PLCL2: variants seen among roughly 807,000 people sequenced by gnomAD.
PLCL2 encodes the protein phospholipase C like 2.
PLCL2 carries 4 observed loss-of-function variants against 79.6 expected under a neutral mutation model. The ratio of observed to expected loss-of-function variants is 0.05; its 90% CI spans 0.02 to 0.11. The LOEUF (loss-of-function observed/expected upper bound fraction) is 0.11. Ranked by LOEUF, PLCL2 falls within the 10% of genes least tolerant of loss-of-function variation. PLCL2 has a pLI of 1.00. For missense variants in PLCL2, 895 were observed against 1,291.0 expected, an observed-to-expected ratio of 0.69 and a Z score of 4.70; for synonymous variants, 484 against 457.7, an observed-to-expected ratio of 1.06 and a Z score of -0.73.
intron 1 of PLCL2, among the ~76,000 whole-genome samples, chr3:16,925,474 T>G (rs1697225324): frequency 6.6e-6 from 1 of 152,226 alleles, no homozygotes; most frequent in South Asian, 2.1e-4. Context: ...TTTATAGTTA[T>G]GCAACCATTA....
At chr3:16,930,891 C>T (rs879732673) in intron 1 of PLCL2, among the ~76,000 whole-genome samples, 3 of 152,130 alleles carry the variant, frequency 2.0e-5, no homozygotes, top group African/African-American at 4.8e-5. Flanking sequence ...CTTTATCTCC[C>T]GTTTTGCTAA....
At chr3:16,980,035 G>C (rs1364689880) in intron 1 of PLCL2, among the ~76,000 whole-genome samples, 10 of 144,270 alleles carry the variant, frequency 6.9e-5, no homozygotes, top group Non-Finnish European at 1.5e-4. Context: ...CTTCCCAGTA[G>C]GGGCGGCCGG....
At chr3:16,972,690 A>G (rs561029147) in intron 1 of PLCL2, among the ~76,000 whole-genome samples, 8 of 152,182 alleles carry the variant, frequency 5.3e-5, no homozygotes, top group Admixed American at 1.3e-4. Context: ...TTGGGTGCAT[A>G]TATATTTAGG....
At chr3:16,937,756 G>A (rs1172878041) in intron 1 of PLCL2, among the ~76,000 whole-genome samples, 1 of 152,126 alleles carries the variant, frequency 6.6e-6, no homozygotes, top group Non-Finnish European at 1.5e-5. Context: ...GCATATGGTT[G>A]AATTTCCCCC....
intron 1 of PLCL2, among the ~76,000 whole-genome samples, chr3:16,928,337 C>T (rs1215156522): frequency 1.3e-5 from 2 of 152,128 alleles, no homozygotes; most frequent in Non-Finnish European, 2.9e-5. Context: ...GGAGGTAGAC[C>T]AGTTTGGGAG....
intron 4 of PLCL2, among the ~76,000 whole-genome samples, chr3:17,045,681 A>G (rs1417609793): frequency 6.6e-6 from 1 of 152,148 alleles, no homozygotes; most frequent in African/African-American, 2.4e-5. Flanking sequence ...TTAATAATAA[A>G]ACCATGTTGC....
At chr3:16,969,405 G>T (rs112580228) in intron 1 of PLCL2, among the ~76,000 whole-genome samples, 2 of 151,682 alleles carry the variant, frequency 1.3e-5, no homozygotes, top group Non-Finnish European at 2.9e-5. Context: ...TTTTTATTAC[G>T]AATTCAGTTT....
intron 1 of PLCL2, among the ~76,000 whole-genome samples, chr3:16,942,276 T>C (rs1434163676): frequency 6.6e-6 from 1 of 152,220 alleles, no homozygotes; most frequent in East Asian, 1.9e-4. Context: ...ATTCTGCAAT[T>C]ACATAGGCGA....
At chr3:17,061,792 G>A (rs1011336547) in intron 4 of PLCL2, among the ~76,000 whole-genome samples, 1 of 151,912 alleles carries the variant, frequency 6.6e-6, no homozygotes, top group Non-Finnish European at 1.5e-5. Flanking sequence ...ACATGATTTG[G>A]GCAGTCCTCA....
chr3:16,953,805 T>C (rs1169541800), intron 1 of PLCL2, among the ~76,000 whole-genome samples: 2 of 152,130 alleles, frequency 1.3e-5, no homozygotes, highest in Non-Finnish European at 1.5e-5. Flanking sequence ...GTTTGCACCA[T>C]TGTATCTTTT....
chr3:17,022,962 CTCTGACTT>C (rs2064472432), intron 3 of PLCL2, among the ~76,000 whole-genome samples: 2 of 152,204 alleles, frequency 1.3e-5, no homozygotes, highest in African/African-American at 4.8e-5. Context: ...TGCTCAGTCT[CTCTGACTT>C]TCTCTCTTTC....
At chr3:17,057,491 T>C (rs1318567154) in intron 4 of PLCL2, among the ~76,000 whole-genome samples, 2 of 152,058 alleles carry the variant, frequency 1.3e-5, no homozygotes, top group Non-Finnish European at 2.9e-5. Context: ...TAGGAAGAAG[T>C]TGGTTGTGAA....
chr3:16,997,427 GT>G (rs35045289), intron 1 of PLCL2, among the ~76,000 whole-genome samples: 28,257 of 151,850 alleles, frequency 0.19, 3,125 homozygotes, highest in East Asian at 0.54. Flanking sequence ...ACTTATGAGT[GT>G]TTTGTAGAAA....
chr3:16,917,463 G>GCT (rs1222656174), intron 1 of PLCL2, among the ~76,000 whole-genome samples: 6 of 152,164 alleles, frequency 3.9e-5, no homozygotes, highest in Non-Finnish European at 8.8e-5. Flanking sequence ...TCTTGTCTCT[G>GCT]CTCTCTGATG....
intron 1 of PLCL2, among the ~76,000 whole-genome samples, chr3:16,896,838 A>G (rs1696491327): frequency 1.3e-5 from 2 of 152,184 alleles, no homozygotes; most frequent in South Asian, 4.1e-4. Context: ...GGGTCATTTT[A>G]AGACACATTG....
At chr3:16,997,845 T>G (rs145875830) in intron 1 of PLCL2, among the ~76,000 whole-genome samples, 1,638 of 152,228 alleles carry the variant, frequency 0.011, 30 homozygotes, top group Admixed American at 0.046. Context: ...GCCACACACA[T>G]TAATTTCATA....
intron 1 of PLCL2, among the ~76,000 whole-genome samples, chr3:16,973,627 G>C (rs2063896009): frequency 6.6e-6 from 1 of 152,180 alleles, no homozygotes; most frequent in Admixed American, 6.5e-5. Flanking sequence ...AGTGTGATCA[G>C]GAAGAATCAC....
intron 1 of PLCL2, among the ~76,000 whole-genome samples, chr3:16,902,917 G>T (rs1296660250): frequency 6.7e-6 from 1 of 150,338 alleles, no homozygotes; most frequent in African/African-American, 2.5e-5. Flanking sequence ...AATCATACAA[G>T]TATGTAGGTG....
At chr3:17,052,028 C>G (rs2064846261) in intron 4 of PLCL2, among the ~76,000 whole-genome samples, 1 of 151,970 alleles carries the variant, frequency 6.6e-6, no homozygotes, top group South Asian at 2.1e-4. Flanking sequence ...ATTATTAATG[C>G]TGTGGAAGAG....
Sources: gnomAD v4.1 joint callset for allele counts (sites outside exome capture counted in the v4.1 genomes callset) on GRCh38, gnomAD v4.1.1 for gene constraint, MANE v1.5 for transcripts, NCBI Gene and HGNC (gene_info 2026-07-23, HGNC 2026-07-21) for gene names.